The following NDUFS2 variants were observed in gnomAD, a reference collection of about 807,000 sequenced individuals.
NDUFS2 encodes the protein NADH:ubiquinone oxidoreductase core subunit S2.
Under a neutral mutation model 69.6 loss-of-function variants are expected in NDUFS2, and 38 were observed. The ratio of observed to expected loss-of-function variants is 0.55; its 90% CI spans 0.42 to 0.72. The LOEUF (loss-of-function observed/expected upper bound fraction) is 0.72. Ranked by LOEUF, NDUFS2 falls within the 30% of genes least tolerant of loss-of-function variation. NDUFS2 has a pLI of 0.00. For missense variants in NDUFS2, 468 were observed against 595.0 expected, an observed-to-expected ratio of 0.79 and a Z score of 2.22; for synonymous variants, 194 against 211.2, an observed-to-expected ratio of 0.92 and a Z score of 0.70.
At chr1:161,204,135 A>G (rs1665327567) in intron 2 of NDUFS2, among the ~76,000 whole-genome samples, 2 of 152,232 alleles carry the variant, frequency 1.3e-5, no homozygotes, top group African/African-American at 4.8e-5. Context: ...CATGTTCAAT[A>G]TATTTCAGGT....
chr1:161,213,797 T>C, intron 12 of NDUFS2, 65 bp downstream of exon 12: 1 of 1,612,472 alleles, frequency 6.2e-7, no homozygotes, highest in South Asian at 1.1e-5. Flanking sequence ...GAGGTTTTTA[T>C]GAACTCTTCT....
chr1:161,214,269 CTGTGTGTGTG>C lies in NDUFS2; in HGVS notation c.*98_*107del, dbSNP rs10629771. 5.1e-3 allele frequency: 4,553 copies of C among 896,568 alleles called. 18 individuals carry two copies. The highest frequency in any genetic ancestry group is 0.022 in the South Asian group (1,557 of 70,716). 55.5% of individuals were successfully genotyped at this position (896,568 alleles called of 1,614,324 possible). A position where few individuals can be genotyped will look rare whatever the true frequency, so the allele number is the denominator to read the frequency against. On this transcript the variant is annotated 3_prime_UTR_variant, in exon 14 of 14. Coordinates refer to ENST00000676972, the MANE Select transcript of NDUFS2 (RefSeq NM_001377299.1). ...CCTGTTCCTCACTGGAAATTGGCCT[CTGTGTGTGTG>C]TGTGTGTGTGTGTGTGTGTGTATGT...
chr1:161,202,744 C>G (rs1172835542), intron 1 of NDUFS2, among the ~76,000 whole-genome samples: 1 of 152,156 alleles, frequency 6.6e-6, no homozygotes, highest in Admixed American at 6.5e-5. Flanking sequence ...TCCTGTCATA[C>G]CTGAGTAGAG....
In NDUFS2 at chr1:161,212,373, AT is replaced by A; in HGVS notation, c.1010del (p.Met337SerfsTer5). On this transcript the variant is annotated frameshift_variant, in exon 10 of 14. Coordinates refer to ENST00000676972, the MANE Select transcript of NDUFS2 (RefSeq NM_001377299.1). LOFTEE classifies it high-confidence loss of function. ...YDRYLCRVEE[M>X]RQSLRIIAQC... ...GAGGTACCTGTGCCGGGTGGAGGAG[AT>A]GCGCCAGTCCCTGAGAATTATCGCA... The A allele has an allele frequency of 6.2e-7, 1 of 1,613,436 alleles. No homozygotes were observed. Among genetic ancestry groups the A allele is most frequent in the Non-Finnish European group, 8.5e-7 (1 of 1,179,722 alleles).
chr1:161,213,504 A>G, intron 11 of NDUFS2, 29 bp downstream of exon 11: 1 of 1,577,886 alleles, frequency 6.3e-7, no homozygotes, highest in South Asian at 1.1e-5. Flanking sequence ...GGAAAAGACC[A>G]TATGTAGAGT....
rs991312815 is a variant in NDUFS2 at position 161,203,467 on chromosome 1, A to G, written c.126A>G (p.Glu42=). The G allele has an allele frequency of 2.5e-6, 4 of 1,614,056 alleles. No homozygotes were observed. The highest frequency in any genetic ancestry group is 3.4e-6 in the Non-Finnish European group (4 of 1,180,038). The change falls in exon 2 of 14, where the codon GAA becomes GAG. Residue 42 remains glutamate, a synonymous_variant. Coordinates refer to ENST00000676972, the MANE Select transcript of NDUFS2 (RefSeq NM_001377299.1). ...RGVRQWQPDV[E]WAQQFGGAVM... ...TTCGGCAGTGGCAGCCAGATGTGGA[A>G]TGGGCACAGCAGTTTGGGGGAGCTG...
upstream of NDUFS2, among the ~76,000 whole-genome samples, chr1:161,200,688 C>A (rs1032653263): frequency 2.0e-5 from 3 of 152,142 alleles, no homozygotes; most frequent in African/African-American, 7.2e-5. Flanking sequence ...GGTTCTAAGC[C>A]AACGGGGCTG....
intron 2 of NDUFS2, among the ~76,000 whole-genome samples, chr1:161,204,617 A>G (rs1447788138): frequency 6.6e-6 from 1 of 152,168 alleles, no homozygotes; most frequent in Non-Finnish European, 1.5e-5. Context: ...ACCTTCAAAG[A>G]CACTTCCAGT....
upstream of NDUFS2, chr1:161,199,445 C>G (rs964172608): frequency 2.0e-5 from 3 of 152,364 alleles, no homozygotes; most frequent in Non-Finnish European, 4.4e-5. Flanking sequence ...CTCCCTCATG[C>G]TGCCCTTTGG....
chr1:161,208,322 T>A (rs2102042852), intron 3 of NDUFS2, among the ~76,000 whole-genome samples: 1 of 151,886 alleles, frequency 6.6e-6, no homozygotes, highest in African/African-American at 2.4e-5. Flanking sequence ...TTTTTTGAGA[T>A]GGAGTTTTGC....
At chr1:161,208,895 G>A (rs1665619925) in intron 3 of NDUFS2, among the ~76,000 whole-genome samples, 2 of 152,172 alleles carry the variant, frequency 1.3e-5, no homozygotes, top group Non-Finnish European at 2.9e-5. Flanking sequence ...TCCCAATGCT[G>A]CATTCAGTTA....
In NDUFS2 at chr1:161,212,558, C is replaced by T. The variant is rs934591807; in HGVS notation, c.1116+78C>T. 3.8e-6 allele frequency: 6 copies of T among 1,564,512 alleles called. No homozygotes were observed. The African/African-American group carries it at 4.1e-5, about 11-fold the overall frequency. On this transcript the variant is annotated intron_variant, in intron 10 of 13. Transcript: ENST00000676972. ...GGGGAGGAGTATCCTTGGATTAAAT[C>T]CTATCTTTTGGTTTTCTTTTTTTTT... is the stretch of plus-strand genomic sequence containing the variant.
chr1:161,210,346 A>T lies in NDUFS2; in HGVS notation c.823A>T (p.Ile275Phe). 1 of 1,613,990 alleles carries T rather than the reference A, an allele frequency of 6.2e-7. No homozygotes were observed. Among genetic ancestry groups the T allele is most frequent in the Non-Finnish European group, 8.5e-7 (1 of 1,179,976 alleles). ...GATCTGGCGAAATCGGACAATTGAC[A>T]TTGGGGTTGTAACAGCAGAAGAAGC... ...NRIWRNRTIDIGVVTAEEALN... is the reference protein window; with the variant it reads ...NRIWRNRTIDFGVVTAEEALN... Residue 275 changes from isoleucine to phenylalanine, a missense_variant, in exon 8 of 14, where the codon ATT becomes TTT. Physicochemically the swap from Ile to Phe is conservative, Grantham distance 21 (BLOSUM62 0). This residue lies in a region of NDUFS2 where 339 missense variants were observed against 433.8 expected (regional missense o/e 0.78). Transcript: ENST00000676972.
chr1:161,213,963 A>C, intron 13 of NDUFS2, 42 bp downstream of exon 13: 7 of 1,614,072 alleles, frequency 4.3e-6, no homozygotes, highest in Non-Finnish European at 5.9e-6. Context: ...TAGACAAAGG[A>C]GTTCGGGACG....
At position 161,209,196 on chromosome 1, in the gene NDUFS2, C is replaced by T; in HGVS notation, c.397C>T (p.Leu133Phe). The T allele has an allele frequency of 6.2e-7, 1 of 1,614,182 alleles. No individual in the cohort carries two copies. The highest frequency in any genetic ancestry group is 1.7e-5 in the Admixed American group (1 of 60,012). ...CCACATTCCTCCCTCTTCCCAGGCC[C>T]TTCCATACTTTGACCGGCTAGACTA... ...LIEYKTYLQA[L>F]PYFDRLDYVS... The change falls in exon 4 of 14, where the codon CTT becomes TTT. Residue 133 changes from leucine (L) to phenylalanine (F), a missense_variant. Leu to Phe is a conservative substitution (Grantham distance 22, BLOSUM62 0). Transcript: ENST00000676972.
chr1:161,213,978 C>T (rs1302397215), intron 13 of NDUFS2, 57 bp downstream of exon 13: 1 of 1,613,916 alleles, frequency 6.2e-7, no homozygotes, highest in African/African-American at 1.3e-5. Context: ...GGGACGCCCA[C>T]TGGGGACAGA....
In NDUFS2 at chr1:161,213,654, G is replaced by A. The variant is rs1487988191; in HGVS notation, c.1218G>A (p.Glu406=). Residue 406 remains glutamate, a synonymous_variant, in exon 12 of 14, where the codon GAG becomes GAA. Coordinates refer to ENST00000676972, the MANE Select transcript of NDUFS2 (RefSeq NM_001377299.1). ...CAACCTTCTTCCTTGAACAGGGAGA[G>A]TTTGGGGTGTACCTGGTGTCTGATG... ...TYTAIEAPKG[E]FGVYLVSDGS... is the part of the protein sequence containing the mutation. 6.2e-7 allele frequency: 1 copy of A among 1,614,198 alleles called. No homozygotes were observed. Among genetic ancestry groups the A allele is most frequent in the East Asian group, 2.2e-5 (1 of 44,890 alleles).
chr1:161,203,919 GC>G, intron 2 of NDUFS2: 1 of 333,106 alleles, frequency 3.0e-6, no homozygotes, highest in Non-Finnish European at 5.9e-6. Context: ...ATTTCTAAGT[GC>G]TCTTGAGCTC....
chr1:161,206,979 A>G (rs906466421), intron 3 of NDUFS2, among the ~76,000 whole-genome samples: 2 of 152,196 alleles, frequency 1.3e-5, no homozygotes, highest in Admixed American at 6.5e-5. Context: ...TGATTCTTGT[A>G]TCTTCCAGCT....
Sources: allele counts gnomAD v4.1 joint callset (sites outside exome capture counted in the v4.1 genomes callset), GRCh38; gene constraint gnomAD v4.1.1; regional missense constraint gnomAD v4.1.1; transcripts MANE v1.5; gene names NCBI Gene and HGNC (gene_info 2026-07-23, HGNC 2026-07-21).